The following MATN2 variants were observed in gnomAD, a reference collection of about 807,000 sequenced individuals.
The protein encoded by MATN2 is matrilin-2.
Under a neutral mutation model 103.2 loss-of-function variants are expected in MATN2, and 69 were observed. The ratio of observed to expected loss-of-function variants is 0.67; its 90% CI spans 0.55 to 0.82. The LOEUF (loss-of-function observed/expected upper bound fraction) is 0.82, where lower values mean the gene tolerates loss of function less well. Ranked by LOEUF, MATN2 falls within the 40% of genes least tolerant of loss-of-function variation. MATN2 has a pLI of 0.00. For synonymous variants in MATN2, 429 were observed against 450.2 expected, an observed-to-expected ratio of 0.95 and a Z score of 0.60; for missense variants, 1,023 against 1,211.5, an observed-to-expected ratio of 0.84 and a Z score of 2.31.
At chr8:97,878,151 G>GT (rs1300328769) in intron 1 of MATN2, among the ~76,000 whole-genome samples, 2 of 152,134 alleles carry the variant, frequency 1.3e-5, no homozygotes, top group Non-Finnish European at 2.9e-5. Flanking sequence ...AACTTAAAAT[G>GT]TTTTAAATAT....
At position 98,027,543 on chromosome 8, in the gene MATN2, A is replaced by ATT; in HGVS notation, c.2070_2071insTT (p.Ala691LeufsTer20). The ATT allele has an allele frequency of 6.2e-7, 1 of 1,613,882 alleles. No individual in the cohort carries two copies. The highest frequency in any genetic ancestry group is 2.2e-5 in the East Asian group (1 of 44,844). On this transcript the variant is annotated frameshift_variant, in exon 14 of 19. Coordinates refer to ENST00000254898, the MANE Select transcript of MATN2 (RefSeq NM_002380.5). LOFTEE classifies it high-confidence loss of function. Reference sequence around the variant, plus strand: ...TAGATTCCTTGACAATTTCCCCCAAAGCCGCTCGAGTGGGGCTGCTCCAGT... The same window carrying ATT: ...TAGATTCCTTGACAATTTCCCCCAAATTGCCGCTCGAGTGGGGCTGCTCCAGT...
intron 1 of MATN2, among the ~76,000 whole-genome samples, chr8:97,878,684 T>C (rs556255198): frequency 2.8e-4 from 43 of 151,736 alleles, no homozygotes; most frequent in Non-Finnish European, 5.6e-4. Flanking sequence ...ACCCCATCTT[T>C]ACTAAAAATA....
chr8:97,939,016 C>A (rs1810468595), intron 3 of MATN2, among the ~76,000 whole-genome samples: 1 of 151,938 alleles, frequency 6.6e-6, no homozygotes, highest in South Asian at 2.1e-4. Context: ...ATTACAGGCA[C>A]CTGCCACCAT....
At chr8:98,012,322 T>A (rs891634293) in intron 10 of MATN2, among the ~76,000 whole-genome samples, 5 of 151,988 alleles carry the variant, frequency 3.3e-5, no homozygotes, top group Non-Finnish European at 5.9e-5. Flanking sequence ...TTCCTTATGG[T>A]GAGAGTGGTG....
At chr8:97,883,843 T>C (rs6999680) in intron 1 of MATN2, among the ~76,000 whole-genome samples, 128,216 of 152,148 alleles carry the variant, frequency 0.84, 54,843 homozygotes, top group Non-Finnish European at 0.93. Flanking sequence ...CGTGAGCCAC[T>C]GTGCCTGGCC....
At chr8:97,932,291 C>T (rs778464385) in intron 3 of MATN2, among the ~76,000 whole-genome samples, 1 of 152,138 alleles carries the variant, frequency 6.6e-6, no homozygotes, top group South Asian at 2.1e-4. Context: ...CATAATCTCT[C>T]CTTGGATGGT....
At chr8:97,886,987 G>T (rs1448784634) in intron 1 of MATN2, among the ~76,000 whole-genome samples, 3 of 151,824 alleles carry the variant, frequency 2.0e-5, no homozygotes, top group African/African-American at 2.4e-5. Flanking sequence ...GCAGTCCTGG[G>T]TTCAAGTGAT....
At position 98,026,178 on chromosome 8, in the gene MATN2, CAAAAA is replaced by C. The variant is rs71271184; in HGVS notation, c.1943-1220_1943-1216del. ...TGGGTAACAGAGCAAGACTCAATCT[CAAAAA>C]AAAAAAAAAAAAAAAAATGCCTGAA... On this transcript the variant is annotated intron_variant, in intron 13 of 18. Coordinates refer to ENST00000254898, the MANE Select transcript of MATN2 (RefSeq NM_002380.5). Among the ~76,000 whole-genome samples the C allele has an allele frequency of 7.4e-3, 811 of 109,712 alleles. 18 individuals are homozygous for C. The East Asian group carries it at 0.11, about 15-fold the overall frequency. The allele number at this position is 109,712 out of a possible 152,430, so 72.0% of individuals were successfully genotyped here. A position where few individuals can be genotyped will look rare whatever the true frequency, so the allele number is the denominator to read the frequency against.
chr8:97,945,717 A>AATATATATATAT lies in MATN2; in HGVS notation c.835+3826_835+3837dup, dbSNP rs1554605716. On this transcript the variant is annotated intron_variant, in intron 4 of 18. Coordinates refer to ENST00000254898, the MANE Select transcript of MATN2 (RefSeq NM_002380.5). ...CATACACACTATAGAAAAAAAAAAAAATATATATATATATATATAATCTCC... is the reference window on the plus strand; with the variant it reads ...CATACACACTATAGAAAAAAAAAAAAATATATATATATATATATATATATATATATAATCTCC... 8.2e-5 allele frequency among the ~76,000 whole-genome samples: 10 copies of AATATATATATAT among 121,808 alleles called. No homozygotes were observed. The East Asian group carries it at 9.3e-4, about 11-fold the overall frequency. 79.9% of individuals were successfully genotyped at this position (121,808 alleles called of 152,430 possible). A position where few individuals can be genotyped will look rare whatever the true frequency, so the allele number is the denominator to read the frequency against.
intron 10 of MATN2, among the ~76,000 whole-genome samples, chr8:98,011,250 C>G (rs923136112): frequency 7.2e-5 from 11 of 152,128 alleles, no homozygotes; most frequent in African/African-American, 2.7e-4. Context: ...CTAATTACCT[C>G]CCAAAGACTC....
chr8:97,928,529 A>G (rs186317697), intron 2 of MATN2, among the ~76,000 whole-genome samples: 264 of 152,244 alleles, frequency 1.7e-3, no homozygotes, highest in African/African-American at 6.2e-3. Context: ...CCTGGCTGAA[A>G]AGCACCCCCC....
intron 4 of MATN2, among the ~76,000 whole-genome samples, chr8:97,958,370 C>G (rs1811205759): frequency 6.6e-6 from 1 of 152,302 alleles, no homozygotes; most frequent in South Asian, 2.1e-4. Context: ...AGCGTCACCT[C>G]CCAGCCATCA....
chr8:97,889,479 AT>A lies in MATN2; in HGVS notation c.142+1238del, dbSNP rs1388423143. Among the ~76,000 whole-genome samples the A allele has an allele frequency of 4.3e-4, 61 of 142,870 alleles. 1 individual carries two copies. The highest frequency in any genetic ancestry group is 7.0e-3 in the Middle Eastern group (2 of 284). The allele number at this position is 142,870 out of a possible 152,430, so 93.7% of individuals were successfully genotyped here. ...TCTGTCTATATATATATATATATAT[AT>A]ATATATATAAAACTGATGATGCACA... On this transcript the variant is annotated intron_variant, in intron 2 of 18. Transcript: ENST00000254898.
chr8:97,949,171 A>ATTTTT (rs71271175), intron 4 of MATN2, among the ~76,000 whole-genome samples: 12 of 140,484 alleles, frequency 8.5e-5, no homozygotes, highest in Admixed American at 7.9e-4. Flanking sequence ...ACTAGAATGG[A>ATTTTT]TTTTTTTTTT....
chr8:97,924,200 G>T (rs1488350939), intron 2 of MATN2, among the ~76,000 whole-genome samples: 1 of 152,152 alleles, frequency 6.6e-6, no homozygotes, highest in Admixed American at 6.5e-5. Context: ...CCCCATATCT[G>T]TGTAGCTGAA....
At chr8:97,923,535 TTCTC>T (rs35773325) in intron 2 of MATN2, among the ~76,000 whole-genome samples, 362 of 147,914 alleles carry the variant, frequency 2.4e-3, no homozygotes, top group African/African-American at 6.1e-3. Context: ...AGCCACTCAC[TTCTC>T]TCTCTCTCTC....
At chr8:98,003,218 A>G (rs1276406367) in intron 7 of MATN2, among the ~76,000 whole-genome samples, 1 of 150,924 alleles carries the variant, frequency 6.6e-6, no homozygotes, top group African/African-American at 2.4e-5. Context: ...TTGTCTCCTC[A>G]CCCTCAGGTG....
At chr8:97,939,506 G>T (rs2130175177) in intron 3 of MATN2, among the ~76,000 whole-genome samples, 1 of 152,248 alleles carries the variant, frequency 6.6e-6, no homozygotes, top group East Asian at 1.9e-4. Context: ...TCTGCACCAG[G>T]CAACACATTT....
chr8:97,914,173 C>T (rs1033253906), intron 2 of MATN2, among the ~76,000 whole-genome samples: 2 of 151,890 alleles, frequency 1.3e-5, no homozygotes, highest in African/African-American at 4.8e-5. Flanking sequence ...CAAGAGTAGG[C>T]TGGGAGCTTG....
Sources: gnomAD v4.1 joint callset for allele counts (sites outside exome capture counted in the v4.1 genomes callset) on GRCh38, gnomAD v4.1.1 for gene constraint, MANE v1.5 for transcripts, NCBI Gene and HGNC (gene_info 2026-07-23, HGNC 2026-07-21) for gene names.